GRK7: variants seen among roughly 807,000 people sequenced by gnomAD.
GRK7 encodes the protein rhodopsin kinase GRK7.
In GRK7, 24 loss-of-function variants were observed where a neutral mutation model predicts 34.1. That is an observed-to-expected ratio of 0.70 (90% confidence interval 0.51 to 0.99). The LOEUF is 0.99. Ranked by LOEUF, GRK7 falls within the 50% of genes least tolerant of loss-of-function variation. The pLI, the probability that GRK7 is intolerant of heterozygous loss-of-function variation, is 0.00. For missense variants in GRK7, 644 were observed against 707.3 expected, an observed-to-expected ratio of 0.91 and a Z score of 1.02; for synonymous variants, 256 against 279.4, an observed-to-expected ratio of 0.92 and a Z score of 0.84.
chr3:141,811,505 A>C (rs1333239480), intron 5 of GRK7, among the ~76,000 whole-genome samples: 1 of 152,180 alleles, frequency 6.6e-6, no homozygotes, highest in Non-Finnish European at 1.5e-5. Context: ...AAGCCTTTTT[A>C]GTAAAGCATC....
chr3:141,776,003 G>A lies in GRK7; in HGVS notation c.-114+1323G>A, dbSNP rs548833089. On this transcript the variant is annotated intron_variant, in intron 2 of 5. Coordinates refer to ENST00000682958, the MANE Select transcript of GRK7 (RefSeq NM_139209.3). ...TAAGCTTAAATATCTCTGTGATATCGGCCAGGCACGGTGGCTCACATCTGT... is the reference window on the plus strand; with the variant it reads ...TAAGCTTAAATATCTCTGTGATATCAGCCAGGCACGGTGGCTCACATCTGT... 5.9e-5 allele frequency among the ~76,000 whole-genome samples: 9 copies of A among 152,024 alleles called. No homozygotes were observed. In the South Asian group the frequency reaches 6.2e-4, roughly 11 times the overall value.
At position 141,778,359 on chromosome 3, in the gene GRK7, C is replaced by A. The variant is rs759147321; in HGVS notation, c.75C>A (p.Cys25Ter). 6.2e-6 allele frequency: 10 copies of A among 1,610,266 alleles called. No individual in the cohort carries two copies. The highest frequency in any genetic ancestry group is 3.3e-5 in the Admixed American group (2 of 59,862). ...AYLQARKPSD[C>*]DSKELQRRRR... ...TGCAGGCCCGGAAGCCCTCGGACTGCGACAGCAAAGAGCTGCAGCGGCGGC... is the reference window on the plus strand; with the variant it reads ...TGCAGGCCCGGAAGCCCTCGGACTGAGACAGCAAAGAGCTGCAGCGGCGGC... The change falls in exon 3 of 6, where the codon TGC becomes TGA. Residue 25 changes from cysteine to a stop codon, truncating the protein, a stop_gained. Coordinates refer to ENST00000682958, the MANE Select transcript of GRK7 (RefSeq NM_139209.3). LOFTEE classifies it high-confidence loss of function. This position sits in a 1 kb window ranked among gnomAD's most constrained non-coding sequence, Gnocchi z 4.1.
At chr3:141,751,925 A>G in the GRK7 span, among the ~76,000 whole-genome samples, 2 of 152,358 alleles carry the variant, frequency 1.3e-5, no homozygotes, top group Admixed American at 6.5e-5. Flanking sequence ...TTTCAGAATC[A>G]TGGACACCTC....
Position 141,765,585 on chromosome 3 carries a change from C to T in GRK7, c.-368C>T, listed in dbSNP as rs2084577114. 6.6e-6 allele frequency among the ~76,000 whole-genome samples: 1 copy of T among 152,094 alleles called. No individual in the cohort carries two copies. The highest frequency in any genetic ancestry group is 2.4e-5 in the African/African-American group (1 of 41,418). ...AACTGAAGAGATCTTGCAGCTTCTG[C>T]CTTCACCCTTTTGGAAAACTGCTCT... is the stretch of plus-strand genomic sequence containing the variant. On this transcript the variant is annotated 5_prime_UTR_variant, in exon 1 of 6. Transcript: ENST00000682958.
chr3:141,779,467 G>A (rs2084660421), intron 3 of GRK7, among the ~76,000 whole-genome samples: 1 of 151,704 alleles, frequency 6.6e-6, no homozygotes. Context: ...TTGAAGTAAG[G>A]TTGAGAACCT....
chr3:141,780,490 G>C lies in GRK7; in HGVS notation c.729G>C (p.Leu243Phe). ...EKMALLEKEI[L>F]EKVSSPFIVS... is the part of the protein sequence containing the mutation. ...TGGCTCTCTTGGAAAAGGAAATCTT[G>C]GAGAAGGTCAGCAGCCCTTTCATTG... Residue 243 changes from leucine to phenylalanine, a missense_variant, in exon 4 of 6, where the codon TTG (leucine) becomes TTC (phenylalanine). Leu to Phe is a conservative substitution (Grantham distance 22, BLOSUM62 0). Coordinates refer to ENST00000682958, the MANE Select transcript of GRK7 (RefSeq NM_139209.3). 1 of 1,614,230 alleles carries C rather than the reference G, an allele frequency of 6.2e-7. No individual in the cohort carries two copies. The highest frequency in any genetic ancestry group is 8.5e-7 in the Non-Finnish European group (1 of 1,180,044).
chr3:141,760,645 G>T (rs1411217168), upstream of GRK7, among the ~76,000 whole-genome samples: 3 of 151,806 alleles, frequency 2.0e-5, no homozygotes, highest in Non-Finnish European at 2.9e-5. Flanking sequence ...TTGGTACAGA[G>T]CTGAGTTCAA....
At chr3:141,805,976 T>C (rs1164731467) in intron 4 of GRK7, among the ~76,000 whole-genome samples, 2 of 152,162 alleles carry the variant, frequency 1.3e-5, no homozygotes, top group Non-Finnish European at 1.5e-5. Context: ...CAACCTTTCC[T>C]GAAGTACTGA....
intron 2 of GRK7, among the ~76,000 whole-genome samples, chr3:141,775,203 C>T (rs184968589): frequency 6.6e-6 from 1 of 152,182 alleles, no homozygotes; most frequent in East Asian, 1.9e-4. Context: ...AGTTCAGAAC[C>T]AGCCTGGGCA....
At chr3:141,754,602 T>C in the GRK7 span, among the ~76,000 whole-genome samples, 1 of 151,970 alleles carries the variant, frequency 6.6e-6, no homozygotes, top group African/African-American at 2.4e-5. Context: ...CTCCCCGGTG[T>C]CTTTAGTCTG....
At chr3:141,779,734 CT>C (rs1367143548) in intron 3 of GRK7, among the ~76,000 whole-genome samples, 3 of 152,218 alleles carry the variant, frequency 2.0e-5, no homozygotes, top group African/African-American at 4.8e-5. Flanking sequence ...CTTTCTGTCT[CT>C]AGGGATTTGC....
intron 4 of GRK7, among the ~76,000 whole-genome samples, chr3:141,803,744 C>T (rs542396029): frequency 2.0e-5 from 3 of 152,262 alleles, no homozygotes; most frequent in East Asian, 1.9e-4. Flanking sequence ...TCCCCCAAGA[C>T]GGAGTCTTGC....
upstream of GRK7, among the ~76,000 whole-genome samples, chr3:141,762,560 G>A (rs2084560234): frequency 6.6e-6 from 1 of 151,450 alleles, no homozygotes; most frequent in South Asian, 2.1e-4. Flanking sequence ...GGTTACTGCT[G>A]TCTTTTTGTT....
At chr3:141,807,940 G>A in intron 5 of GRK7, 21 bp downstream of exon 5, 1 of 1,550,242 alleles carries the variant, frequency 6.5e-7, no homozygotes, top group Non-Finnish European at 8.7e-7. Context: ...ATGTAACAGA[G>A]AGGATTGCTG....
At chr3:141,814,084 G>T (rs1418295967) in intron 5 of GRK7, among the ~76,000 whole-genome samples, 1 of 152,044 alleles carries the variant, frequency 6.6e-6, no homozygotes, top group East Asian at 1.9e-4. Flanking sequence ...GAATATATGG[G>T]GCAAGCTCTC....
At chr3:141,805,239 G>A (rs1711018687) in intron 4 of GRK7, among the ~76,000 whole-genome samples, 1 of 152,116 alleles carries the variant, frequency 6.6e-6, no homozygotes, top group Non-Finnish European at 1.5e-5. Flanking sequence ...CAAGGGCAAG[G>A]GCCAGGCCTT....
chr3:141,784,388 T>G (rs754950223), intron 4 of GRK7, among the ~76,000 whole-genome samples: 6 of 152,314 alleles, frequency 3.9e-5, no homozygotes, highest in Admixed American at 6.5e-5. Context: ...AGAAGTTTTA[T>G]GCCCCAGTTT....
chr3:141,756,508 G>A, the GRK7 span, among the ~76,000 whole-genome samples: 1 of 152,180 alleles, frequency 6.6e-6, no homozygotes, highest in African/African-American at 2.4e-5. Flanking sequence ...GTCTCTCAGC[G>A]AGGGGTATTG....
At chr3:141,762,835 C>T (rs1240542389), upstream of GRK7, among the ~76,000 whole-genome samples, 3 of 152,204 alleles carry the variant, frequency 2.0e-5, no homozygotes, top group Non-Finnish European at 2.9e-5. Context: ...CGTGGTGTGC[C>T]GTTCTTTAAG....
Sources: allele counts gnomAD v4.1 joint callset (sites outside exome capture counted in the v4.1 genomes callset), GRCh38; gene constraint gnomAD v4.1.1; non-coding constraint Gnocchi (gnomAD v3.1); transcripts MANE v1.5; gene names NCBI Gene and HGNC (gene_info 2026-07-23, HGNC 2026-07-21).